RAB38: variants seen among roughly 807,000 people sequenced by gnomAD.
RAB38 encodes ras-related protein Rab-38.
RAB38 carries 15 observed loss-of-function variants against 18.4 expected under a neutral mutation model. The ratio of observed to expected loss-of-function variants is 0.82; its 90% CI spans 0.55 to 1.26. The LOEUF is 1.26. RAB38 is among the 50% of genes most tolerant of loss of function. The probability of loss-of-function intolerance (pLI) is 0.00; values close to 1 mark genes in which losing one functional copy is unlikely to be tolerated. For synonymous variants in RAB38, 101 were observed against 104.4 expected, an observed-to-expected ratio of 0.97 and a Z score of 0.20; for missense variants, 294 against 267.4, an observed-to-expected ratio of 1.10 and a Z score of -0.69.
chr11:87,852,107 GCTT>G, the RAB38 span, among the ~76,000 whole-genome samples: 28,741 of 151,784 alleles, frequency 0.19, 3,338 homozygotes, highest in African/African-American at 0.32. Flanking sequence ...TTTTTGTTCA[GCTT>G]CTTCTCTGTG....
the RAB38 span, among the ~76,000 whole-genome samples, chr11:87,943,577 G>A: frequency 2.6e-5 from 4 of 152,140 alleles, no homozygotes; most frequent in South Asian, 2.1e-4. Flanking sequence ...TGAAATACAC[G>A]TAATAATAAT....
At chr11:87,819,619 T>G in the RAB38 span, among the ~76,000 whole-genome samples, 5 of 151,312 alleles carry the variant, frequency 3.3e-5, no homozygotes, top group East Asian at 9.7e-4. Context: ...ACCTGAACTT[T>G]TGTCTCTCAG....
chr11:88,042,306 G>A, the RAB38 span, among the ~76,000 whole-genome samples: 1 of 152,280 alleles, frequency 6.6e-6, no homozygotes, highest in African/African-American at 2.4e-5. Context: ...CCTGCACACA[G>A]CCTTGCTTCT....
the RAB38 span, among the ~76,000 whole-genome samples, chr11:88,074,675 C>T: frequency 6.6e-6 from 1 of 152,082 alleles, no homozygotes; most frequent in African/African-American, 2.4e-5. Flanking sequence ...AGAAAACAAA[C>T]AACGAAATGG....
chr11:87,841,275 G>A, the RAB38 span, among the ~76,000 whole-genome samples: 1 of 152,078 alleles, frequency 6.6e-6, no homozygotes, highest in Admixed American at 6.6e-5. Flanking sequence ...TTACCCACAT[G>A]CTGTTCTTAT....
At chr11:87,846,963 A>G in the RAB38 span, among the ~76,000 whole-genome samples, 2 of 152,104 alleles carry the variant, frequency 1.3e-5, no homozygotes, top group Non-Finnish European at 2.9e-5. Flanking sequence ...AAATCTATAG[A>G]ATATTTTAAA....
the RAB38 span, among the ~76,000 whole-genome samples, chr11:87,905,362 T>C: frequency 7.3e-6 from 1 of 136,972 alleles, no homozygotes; most frequent in African/African-American, 3.4e-5. Context: ...TTTATTTTGA[T>C]TGACTTTTCT....
the RAB38 span, among the ~76,000 whole-genome samples, chr11:87,850,002 CTAATAA>C: frequency 8.6e-5 from 13 of 151,788 alleles, no homozygotes; most frequent in Admixed American, 6.6e-4. Context: ...TTCTGTTAGC[CTAATAA>C]TAATAATAAT....
the RAB38 span, among the ~76,000 whole-genome samples, chr11:87,960,377 A>G: frequency 1.6e-5 from 2 of 124,504 alleles, no homozygotes; most frequent in African/African-American, 6.7e-5. Flanking sequence ...GATGGAAGAC[A>G]ACAAAAAAAA....
chr11:88,047,164 T>C, the RAB38 span, among the ~76,000 whole-genome samples: 7 of 152,306 alleles, frequency 4.6e-5, no homozygotes, highest in African/African-American at 1.2e-4. Context: ...ACATATACTT[T>C]CTGCTCCCCC....
intron 2 of RAB38, among the ~76,000 whole-genome samples, chr11:88,144,459 G>A (rs1942955578): frequency 6.6e-6 from 1 of 152,152 alleles, no homozygotes; most frequent in African/African-American, 2.4e-5. Context: ...GATAGCAAAT[G>A]TATTTAACAG....
At chr11:87,926,246 C>G in the RAB38 span, among the ~76,000 whole-genome samples, 3 of 152,004 alleles carry the variant, frequency 2.0e-5, no homozygotes, top group Non-Finnish European at 4.4e-5. Flanking sequence ...TTTCACATCT[C>G]TGCTTCAAAA....
At chr11:88,165,138 G>A (rs1943231862) in intron 1 of RAB38, among the ~76,000 whole-genome samples, 1 of 152,016 alleles carries the variant, frequency 6.6e-6, no homozygotes, top group South Asian at 2.1e-4. Flanking sequence ...TATATAATGA[G>A]CACCTTCTAA....
At chr11:87,965,742 G>T in the RAB38 span, among the ~76,000 whole-genome samples, 9 of 152,150 alleles carry the variant, frequency 5.9e-5, no homozygotes, top group African/African-American at 2.2e-4. Context: ...TAGCCTGCAG[G>T]AAACAATGAA....
At chr11:87,892,127 A>G in the RAB38 span, among the ~76,000 whole-genome samples, 1 of 151,820 alleles carries the variant, frequency 6.6e-6, no homozygotes, top group Non-Finnish European at 1.5e-5. Context: ...TCAAACTGCC[A>G]TGTGCAGTCT....
At chr11:88,088,616 G>A in the RAB38 span, among the ~76,000 whole-genome samples, 1 of 151,844 alleles carries the variant, frequency 6.6e-6, no homozygotes, top group South Asian at 2.1e-4. Context: ...TTTCAAGGGG[G>A]AGCATGGTGA....
chr11:87,810,140 A>T, the RAB38 span, among the ~76,000 whole-genome samples: 1 of 152,302 alleles, frequency 6.6e-6, no homozygotes, highest in East Asian at 1.9e-4. Flanking sequence ...AGGGGAAAGT[A>T]GACTTTACTT....
the RAB38 span, among the ~76,000 whole-genome samples, chr11:88,035,992 A>T: frequency 2.6e-5 from 4 of 152,156 alleles, no homozygotes; most frequent in African/African-American, 4.8e-5. Context: ...AAAAAATAAT[A>T]AAATTAAATT....
the RAB38 span, among the ~76,000 whole-genome samples, chr11:88,033,623 T>G: frequency 2.0e-5 from 3 of 152,046 alleles, no homozygotes; most frequent in Admixed American, 2.0e-4. Flanking sequence ...CAGTTGTGTT[T>G]CTGTGTGTGT....
Sources: allele counts gnomAD v4.1 joint callset (sites outside exome capture counted in the v4.1 genomes callset), GRCh38; gene constraint gnomAD v4.1.1; transcripts MANE v1.5; gene names NCBI Gene and HGNC (gene_info 2026-07-23, HGNC 2026-07-21).